Variants in ERCC3 observed in about 807,000 individuals in gnomAD.
The protein encoded by ERCC3 is general transcription and DNA repair factor IIH helicase/translocase subunit XPB.
A neutral mutation model predicts 94.2 loss-of-function variants in ERCC3; 66 were observed. The observed-to-expected ratio is 0.70, with a 90% CI of 0.57 to 0.86. The LOEUF (loss-of-function observed/expected upper bound fraction) is 0.86. Among genes scored for constraint, ERCC3 ranks in the 40% least tolerant of loss-of-function variants. ERCC3 has a pLI of 0.00. For missense variants in ERCC3, 829 were observed against 987.1 expected (o/e 0.84, Z 2.15); for synonymous variants, 349 against 369.1 (o/e 0.95, Z 0.63).
chr2:127,260,190 G>A (rs145063455), intron 13 of ERCC3: 2,119 of 154,466 alleles, frequency 0.014, 20 homozygotes, highest in South Asian at 0.022. Flanking sequence ...TCCACGTCAT[G>A]ACTCTGGGAA....
rs1684766387 is a variant in ERCC3 at position 127,277,462 on chromosome 2, C to T, written c.1730+1711G>A. Among the ~76,000 whole-genome samples, 1 of 152,132 alleles carries T rather than the reference C, an allele frequency of 6.6e-6. No homozygotes were observed. The highest frequency in any genetic ancestry group is 2.1e-4 in the South Asian group (1 of 4,822). On this transcript the variant is annotated intron_variant, in intron 10 of 14. Coordinates refer to ENST00000285398, the MANE Select transcript of ERCC3 (RefSeq NM_000122.2). This position sits in a 1 kb window ranked among gnomAD's most constrained non-coding sequence, Gnocchi z 5.1. ...ATCCCAGCACTTTGGAAGGCCGAGGCAGGCAGATCACGAGGTCAAGAGATC... is the reference window on the plus strand; with the variant it reads ...ATCCCAGCACTTTGGAAGGCCGAGGTAGGCAGATCACGAGGTCAAGAGATC...
At chr2:127,266,183 T>A (rs180939693) in intron 12 of ERCC3, among the ~76,000 whole-genome samples, 10 of 151,904 alleles carry the variant, frequency 6.6e-5, no homozygotes, top group African/African-American at 2.4e-4. Context: ...CACTTTGGCC[T>A]CCCAAAGTGC....
chr2:127,293,495 A>C lies in ERCC3; in HGVS notation c.234+18T>G, dbSNP rs748253381. On this transcript the variant is annotated intron_variant, in intron 2 of 14. Transcript: ENST00000285398. ...TCCGCACACTCCTGGGCCCTGCCCA[A>C]GCTAAGGGCATGCTTACCACCCAGA... is the stretch of plus-strand genomic sequence containing the variant. 1.2e-6 allele frequency: 2 copies of C among 1,611,672 alleles called. No homozygotes were observed. Among genetic ancestry groups the C allele is most frequent in the Non-Finnish European group, 1.7e-6 (2 of 1,178,096 alleles).
intron 8 of ERCC3, among the ~76,000 whole-genome samples, chr2:127,281,354 CTT>C (rs775536603): frequency 8.5e-5 from 13 of 152,242 alleles, no homozygotes; most frequent in Non-Finnish European, 1.8e-4. Context: ...CCTCTCCAAA[CTT>C]TACCAATTCA....
Position 127,257,593 on chromosome 2 carries a change from G to A in ERCC3, c.*3C>T. On this transcript the variant is annotated 3_prime_UTR_variant, in exon 15 of 15. Transcript: ENST00000285398. This position sits in a 1 kb window ranked among gnomAD's most constrained non-coding sequence, Gnocchi z 5.4. ...GTCTTGAACGAAGTACCCTGCCTAA[G>A]CATCATTTCCTAAAGCGCTTGAAGA... 6.2e-7 allele frequency: 1 copy of A among 1,613,794 alleles called. No homozygotes were observed. The highest frequency in any genetic ancestry group is 8.5e-7 in the Non-Finnish European group (1 of 1,180,016).
rs374551745 is a variant in ERCC3, at chr2:127,291,076, C to T, written c.472-803G>A. 4.0e-5 allele frequency among the ~76,000 whole-genome samples: 6 copies of T among 151,636 alleles called. No homozygotes were observed. Among genetic ancestry groups the T allele is most frequent in the Middle Eastern group, 3.4e-3 (1 of 294 alleles). ...CAGCCTGGGCGACAGAGCAAGACTC[C>T]GTCTCAAAAAAAAAGAAAAAAAAAA... On this transcript the variant is annotated intron_variant, in intron 3 of 14. Transcript: ENST00000285398. The surrounding 1 kb of genome is among the most constrained non-coding windows in gnomAD (Gnocchi z 4.9).
In ERCC3 at chr2:127,284,076, C is replaced by T. The variant is rs946849899; in HGVS notation, c.1342+2627G>A. On this transcript the variant is annotated intron_variant, in intron 8 of 14. Coordinates refer to ENST00000285398, the MANE Select transcript of ERCC3 (RefSeq NM_000122.2). This position sits in a 1 kb window ranked among gnomAD's most constrained non-coding sequence, Gnocchi z 4.1. Reference sequence around the variant, plus strand: ...AAAACCTTAGTGTCATTCTTGATTTCTCTCTGATTCCACACCTGACCTGTC... The same window carrying T: ...AAAACCTTAGTGTCATTCTTGATTTTTCTCTGATTCCACACCTGACCTGTC... 1.3e-5 allele frequency: 2 copies of T among 152,188 alleles called. No individual in the cohort carries two copies. Among genetic ancestry groups the T allele is most frequent in the Non-Finnish European group, 2.9e-5 (2 of 68,032 alleles). The allele number at this position is 152,188 out of a possible 1,614,324, so 9.4% of individuals were successfully genotyped here. A position where few individuals can be genotyped will look rare whatever the true frequency, so the allele number is the denominator to read the frequency against.
intron 10 of ERCC3, among the ~76,000 whole-genome samples, chr2:127,276,702 A>G (rs566875856): frequency 8.5e-5 from 13 of 152,362 alleles, no homozygotes; most frequent in Non-Finnish European, 1.8e-4. Context: ...AAAAAAACAG[A>G]AATTCTCAGA....
intron 4 of ERCC3, 107 bp from the exon 5 acceptor site, chr2:127,289,931 C>A: frequency 7.5e-7 from 1 of 1,329,492 alleles, no homozygotes; most frequent in Non-Finnish European, 1.1e-6. Context: ...CATGACTCTC[C>A]CCACAACCCT....
At chr2:127,287,353 CATGCCACGGTGGCTCAT>C in intron 7 of ERCC3, among the ~76,000 whole-genome samples, 1 of 152,162 alleles carries the variant, frequency 6.6e-6, no homozygotes, top group South Asian at 2.1e-4. Context: ...GCTGAGCCAC[CATGCCACGGTGGCTCAT>C]ACCTGTAATC....
chr2:127,293,928 A>C (rs1478033200), intron 1 of ERCC3, 126 bp downstream of exon 1: 1 of 1,532,552 alleles, frequency 6.5e-7, no homozygotes, highest in East Asian at 2.4e-5. Context: ...GGCCTGTCCC[A>C]ACGGGGTGCG....
In ERCC3 at chr2:127,259,140, A is replaced by G. The variant is rs1684111148; in HGVS notation, c.2217+156T>C. Reference sequence around the variant, plus strand: ...ACAAGGGGCACACACCAAAAGGGCAACAAGGATTGTTTCTGTTCATCTCTT... The same window carrying G: ...ACAAGGGGCACACACCAAAAGGGCAGCAAGGATTGTTTCTGTTCATCTCTT... On this transcript the variant is annotated intron_variant, in intron 14 of 14. Coordinates refer to ENST00000285398, the MANE Select transcript of ERCC3 (RefSeq NM_000122.2). The surrounding 1 kb of genome is among the most constrained non-coding windows in gnomAD (Gnocchi z 4.9). Among the ~76,000 whole-genome samples, 1 of 152,240 alleles carries G rather than the reference A, an allele frequency of 6.6e-6. No homozygotes were observed. The highest frequency in any genetic ancestry group is 6.5e-5 in the Admixed American group (1 of 15,284).
At chr2:127,278,333 G>A (rs1044637441) in intron 10 of ERCC3, among the ~76,000 whole-genome samples, 2 of 152,082 alleles carry the variant, frequency 1.3e-5, no homozygotes, top group Admixed American at 1.3e-4. Context: ...ATAGAATTGT[G>A]GGTGGGAAAA....
rs1395572182 is a variant in ERCC3, at chr2:127,259,451, G to A, written c.2065-3C>T. 1.9e-6 allele frequency: 3 copies of A among 1,614,064 alleles called. No homozygotes were observed. The highest frequency in any genetic ancestry group is 1.1e-5 in the South Asian group (1 of 91,070). Reference sequence around the variant, plus strand: ...ATGCCAGCGAGTTTCGTGATCACCTGCAAAGCCCAAGCCAGCAGACATGCC... The same window carrying A: ...ATGCCAGCGAGTTTCGTGATCACCTACAAAGCCCAAGCCAGCAGACATGCC... On this transcript the variant is annotated splice_polypyrimidine_tract_variant and splice_region_variant and intron_variant, in intron 13 of 14. Transcript: ENST00000285398. This position sits in a 1 kb window ranked among gnomAD's most constrained non-coding sequence, Gnocchi z 4.9.
chr2:127,276,605 A>C (rs1476917766), intron 10 of ERCC3, among the ~76,000 whole-genome samples: 1 of 152,162 alleles, frequency 6.6e-6, no homozygotes, highest in Non-Finnish European at 1.5e-5. Flanking sequence ...AAAAAAGATA[A>C]GCAAACTGGA....
intron 12 of ERCC3, among the ~76,000 whole-genome samples, chr2:127,267,758 T>A (rs1684420719): frequency 6.6e-6 from 1 of 152,178 alleles, no homozygotes; most frequent in Non-Finnish European, 1.5e-5. Context: ...TTCATTTCCA[T>A]GTTTAGAACT....
intron 11 of ERCC3, among the ~76,000 whole-genome samples, chr2:127,272,041 G>A (rs546241024): frequency 1.0e-3 from 131 of 128,790 alleles, no homozygotes; most frequent in East Asian, 3.9e-3. Context: ...TTTTTGAGAC[G>A]GAGTCTCGCT....
rs1323378956 is a variant in ERCC3 at position 127,259,313 on chromosome 2, C to T, written c.2200G>A (p.Gly734Ser). 6.2e-7 allele frequency: 1 copy of T among 1,614,236 alleles called. No homozygotes were observed. ...AEEEVVAGEF[G>S]SRSSQASRRF... ...TTACTCACCTGGCTGGATCTGGAGCCAAATTCCCCAGCCACCACCTCCTCC... is the reference window on the plus strand; with the variant it reads ...TTACTCACCTGGCTGGATCTGGAGCTAAATTCCCCAGCCACCACCTCCTCC... The change falls in exon 14 of 15, where the codon GGC becomes AGC. Residue 734 changes from glycine (G) to serine (S), a missense_variant. Coordinates refer to ENST00000285398, the MANE Select transcript of ERCC3 (RefSeq NM_000122.2). This position sits in a 1 kb window ranked among gnomAD's most constrained non-coding sequence, Gnocchi z 4.9.
intron 7 of ERCC3, among the ~76,000 whole-genome samples, chr2:127,288,449 T>G (rs1311744314): frequency 6.6e-6 from 1 of 152,216 alleles, no homozygotes; most frequent in Non-Finnish European, 1.5e-5. Flanking sequence ...TCAGAAGTGT[T>G]GTTCTAGCCA....
Sources: gnomAD v4.1 joint callset for allele counts (sites outside exome capture counted in the v4.1 genomes callset) on GRCh38, gnomAD v4.1.1 for gene constraint, Gnocchi (gnomAD v3.1) non-coding constraint, MANE v1.5 for transcripts, NCBI Gene and HGNC (gene_info 2026-07-23, HGNC 2026-07-21) for gene names.